MBD5: variants seen among roughly 807,000 people sequenced by gnomAD.
MBD5 encodes the protein methyl-CpG-binding domain protein 5.
In MBD5, 13 loss-of-function variants were observed where a neutral mutation model predicts 117.3. That is an observed-to-expected ratio of 0.11 (90% CI 0.07 to 0.18). MBD5 has a LOEUF of 0.18. Ranked by LOEUF, MBD5 falls within the 10% of genes least tolerant of loss-of-function variation. The pLI, the probability that MBD5 is intolerant of heterozygous loss-of-function variation, is 1.00. For synonymous variants in MBD5, 727 were observed against 766.4 expected (o/e 0.95, Z 0.85); for missense variants, 1,879 against 2,093.8 (o/e 0.90, Z 2.00).
intron 1 of MBD5, among the ~76,000 whole-genome samples, chr2:148,081,268 C>A (rs186208749): frequency 4.0e-4 from 61 of 152,230 alleles, no homozygotes; most frequent in African/African-American, 1.4e-3. Context: ...GGGTTCTTGA[C>A]TGTCTTTTAA....
chr2:148,307,330 T>C (rs540998807), intron 3 of MBD5, among the ~76,000 whole-genome samples: 5 of 152,078 alleles, frequency 3.3e-5, no homozygotes, highest in African/African-American at 1.2e-4. Flanking sequence ...TGAGCTCTAT[T>C]TTTTTAAAGA....
At chr2:148,040,135 A>G (rs1694313961) in intron 1 of MBD5, among the ~76,000 whole-genome samples, 1 of 152,176 alleles carries the variant, frequency 6.6e-6, no homozygotes, top group African/African-American at 2.4e-5. Context: ...TGTGACATGC[A>G]GTTTACCTAT....
chr2:148,092,674 G>A (rs924262813), intron 1 of MBD5, among the ~76,000 whole-genome samples: 1 of 151,996 alleles, frequency 6.6e-6, no homozygotes, highest in Non-Finnish European at 1.5e-5. Flanking sequence ...AGTAAGGGTT[G>A]GGGGGTGAGG....
intron 4 of MBD5, among the ~76,000 whole-genome samples, chr2:148,374,754 A>G (rs1162838220): frequency 1.3e-5 from 2 of 152,188 alleles, no homozygotes; most frequent in Admixed American, 6.5e-5. Flanking sequence ...CAATAGATAC[A>G]GAATAATCAT....
chr2:148,316,403 T>C (rs1208580606), intron 3 of MBD5, among the ~76,000 whole-genome samples: 1 of 152,226 alleles, frequency 6.6e-6, no homozygotes, highest in Non-Finnish European at 1.5e-5. Context: ...GTAGATTACA[T>C]TGGGTATATA....
chr2:148,271,361 A>G (rs1558999574), intron 3 of MBD5, among the ~76,000 whole-genome samples: 1 of 152,186 alleles, frequency 6.6e-6, no homozygotes, highest in Admixed American at 6.5e-5. Flanking sequence ...GGTTAGGTAC[A>G]TCTGTTATAT....
chr2:148,290,906 T>C (rs1701485567), intron 3 of MBD5, among the ~76,000 whole-genome samples: 1 of 152,222 alleles, frequency 6.6e-6, no homozygotes. Context: ...ATATGTTAAC[T>C]TTATGTTTAA....
At chr2:148,321,234 C>A (rs1023508085) in intron 3 of MBD5, among the ~76,000 whole-genome samples, 2 of 152,010 alleles carry the variant, frequency 1.3e-5, no homozygotes, top group South Asian at 2.1e-4. Flanking sequence ...CTTTGGCTTC[C>A]CTGGATCACA....
At chr2:148,020,992 T>C, upstream of MBD5, 1 of 150,750 alleles carries the variant, frequency 6.6e-6, no homozygotes, top group Non-Finnish European at 1.5e-5. Flanking sequence ...TTTCCTCCCC[T>C]CCCCCTCCTC....
chr2:148,145,870 T>C (rs1219464283), intron 1 of MBD5, among the ~76,000 whole-genome samples: 2 of 152,158 alleles, frequency 1.3e-5, no homozygotes, highest in Admixed American at 6.5e-5. Context: ...TTGAGGATTT[T>C]TGCATCGATG....
chr2:148,317,042 G>C (rs1702171679), intron 3 of MBD5, among the ~76,000 whole-genome samples: 1 of 152,096 alleles, frequency 6.6e-6, no homozygotes. Context: ...TGCTAAAAAG[G>C]AGATTAATAT....
chr2:148,477,016 C>A (rs1433968620), intron 8 of MBD5, among the ~76,000 whole-genome samples: 4 of 151,812 alleles, frequency 2.6e-5, no homozygotes. Context: ...TTAAAAAAAA[C>A]CCTATTACTT....
intron 1 of MBD5, among the ~76,000 whole-genome samples, chr2:148,164,572 A>G (rs1179249583): frequency 6.6e-6 from 1 of 152,236 alleles, no homozygotes; most frequent in African/African-American, 2.4e-5. Context: ...TAAGTATAAG[A>G]AAAAATTTAA....
At chr2:148,051,797 A>G (rs1224630295) in intron 1 of MBD5, among the ~76,000 whole-genome samples, 1 of 152,128 alleles carries the variant, frequency 6.6e-6, no homozygotes, top group Non-Finnish European at 1.5e-5. Context: ...ATTTATATTT[A>G]TAAGAGCTAT....
chr2:148,348,045 A>G (rs1321289578), intron 4 of MBD5, among the ~76,000 whole-genome samples: 1 of 151,998 alleles, frequency 6.6e-6, no homozygotes, highest in Non-Finnish European at 1.5e-5. Context: ...TGGAAATAAA[A>G]TAAGTAATTG....
chr2:148,095,698 A>G (rs1342138751), intron 1 of MBD5, among the ~76,000 whole-genome samples: 1 of 151,918 alleles, frequency 6.6e-6, no homozygotes, highest in Non-Finnish European at 1.5e-5. Flanking sequence ...TATAATACCT[A>G]TTTTAAAATT....
intron 4 of MBD5, among the ~76,000 whole-genome samples, chr2:148,357,096 G>A (rs1703400019): frequency 6.6e-6 from 1 of 152,176 alleles, no homozygotes; most frequent in African/African-American, 2.4e-5. Flanking sequence ...GAGAAGTAGT[G>A]AGTGTATGCA....
intron 1 of MBD5, chr2:148,044,639 A>G (rs1573946906): frequency 6.6e-6 from 1 of 152,150 alleles, no homozygotes; most frequent in Admixed American, 6.5e-5. Flanking sequence ...TGGGAAAAAT[A>G]TATGCTATTG....
At chr2:148,214,564 A>AT (rs2106028826) in intron 2 of MBD5, among the ~76,000 whole-genome samples, 1 of 152,270 alleles carries the variant, frequency 6.6e-6, no homozygotes, top group South Asian at 2.1e-4. Context: ...CACATCTATC[A>AT]TACCACCCCA....
Sources: gnomAD v4.1 joint callset for allele counts (sites outside exome capture counted in the v4.1 genomes callset) on GRCh38, gnomAD v4.1.1 for gene constraint, MANE v1.5 for transcripts, NCBI Gene and HGNC (gene_info 2026-07-23, HGNC 2026-07-21) for gene names.